Variants in OCEL1 observed in about 807,000 individuals in gnomAD.
OCEL1 encodes occludin/ELL domain-containing protein 1.
OCEL1 carries 24 observed loss-of-function variants against 29.4 expected under a neutral mutation model. That is an observed-to-expected ratio of 0.82 (90% CI 0.59 to 1.15). The LOEUF is 1.15. Among genes scored for constraint, OCEL1 ranks in the 50% most tolerant of loss-of-function variants. The pLI is 0.00. For missense variants in OCEL1, 402 were observed against 352.5 expected (o/e 1.14, Z -1.13); for synonymous variants, 172 against 145.3 (o/e 1.18, Z -1.32).
Position 17,228,012 on chromosome 19 carries a change from A to T in OCEL1, c.618+7A>T, listed in dbSNP as rs1278653764. 5.0e-6 allele frequency: 8 copies of T among 1,611,070 alleles called. No individual in the cohort carries two copies. Among genetic ancestry groups the T allele is most frequent in the Non-Finnish European group, 6.8e-6 (8 of 1,179,636 alleles). ...GCCCCCACCCCAAAGCCAGGTCAGC[A>T]CTAGGGAGAAAGCCCTGCCCCGCAG... On this transcript the variant is annotated splice_region_variant and intron_variant, in intron 4 of 5. Coordinates refer to ENST00000215061, the MANE Select transcript of OCEL1 (RefSeq NM_024578.3).
chr19:17,226,530 G>C (rs1028072699), intron 1 of OCEL1, 163 bp from the exon 2 acceptor site: 14 of 922,888 alleles, frequency 1.5e-5, no homozygotes, highest in Non-Finnish European at 2.1e-5. Flanking sequence ...GGCGGGGTCT[G>C]GACGTCGCTG....
In OCEL1 at chr19:17,226,309, T is replaced by TG. The variant is rs769427408; in HGVS notation, c.65dup (p.Gln23ThrfsTer95). 42 of 1,611,778 alleles carry TG rather than the reference T, an allele frequency of 2.6e-5. No homozygotes were observed. The East Asian group carries it at 8.7e-4, about 33-fold the overall frequency. On this transcript the variant is annotated frameshift_variant, in exon 1 of 6. Transcript: ENST00000215061. LOFTEE classifies it high-confidence loss of function. ...GATCCAGGCTCGGAGCTCCAGACGC[T>TG]GGGACAGGTGACCCGGGGCGGTAGC...
rs1318325808 is a variant in OCEL1, at chr19:17,227,824, C to G, written c.453-16C>G. ...GGTTCTTTACACTCACACTCTGACC[C>G]TCTTCAACCTGGTAGTAAGTACCCG... On this transcript the variant is annotated splice_polypyrimidine_tract_variant and intron_variant, in intron 3 of 5. Coordinates refer to ENST00000215061, the MANE Select transcript of OCEL1 (RefSeq NM_024578.3). 6.2e-7 allele frequency: 1 copy of G among 1,612,668 alleles called. No homozygotes were observed. Among genetic ancestry groups the G allele is most frequent in the Non-Finnish European group, 8.5e-7 (1 of 1,179,580 alleles).
intron 3 of OCEL1, 55 bp downstream of exon 3, chr19:17,227,254 G>A: frequency 7.1e-7 from 1 of 1,406,966 alleles, no homozygotes; most frequent in Non-Finnish European, 9.4e-7. Context: ...GGGCACTGAG[G>A]CTGGGGCTTT....
intron 1 of OCEL1, 45 bp downstream of exon 1, chr19:17,226,361 G>A (rs748821231): frequency 7.5e-6 from 12 of 1,594,430 alleles, no homozygotes; most frequent in Non-Finnish European, 1.0e-5. Context: ...CAGGTGGGGC[G>A]GAGGTCCCGA....
Position 17,227,684 on chromosome 19 carries a change from CTA to C in OCEL1, c.453-154_453-153del, listed in dbSNP as rs371816579. Among the ~76,000 whole-genome samples, 17 of 152,196 alleles carry C rather than the reference CTA, an allele frequency of 1.1e-4. No individual in the cohort carries two copies. In the East Asian group the frequency reaches 1.3e-3, roughly 12 times the overall value. On this transcript the variant is annotated intron_variant, in intron 3 of 5. Transcript: ENST00000215061. ...CCAGCCTGGACAACAGAGCAAGACT[CTA>C]TCTCAAAAAATAATAATAAATAAAT...
intron 4 of OCEL1, 96 bp downstream of exon 4, chr19:17,228,101 T>C (rs554284322): frequency 1.3e-6 from 2 of 1,553,750 alleles, no homozygotes; most frequent in African/African-American, 1.4e-5. Context: ...CCAGGACTCT[T>C]TCTCCTCTCG....
At chr19:17,227,660 C>T (rs2013639) in intron 3 of OCEL1, among the ~76,000 whole-genome samples, 180 bp from the exon 4 acceptor site, 45,732 of 152,044 alleles carry the variant, frequency 0.3, 7,834 homozygotes, top group African/African-American at 0.47. Context: ...CACTGCACTC[C>T]AGCCTGGACA....
At chr19:17,228,355 T>G in intron 5 of OCEL1, 46 bp downstream of exon 5, 2 of 1,586,864 alleles carry the variant, frequency 1.3e-6, no homozygotes, top group Non-Finnish European at 1.7e-6. Context: ...CTGAGACTTC[T>G]GTGAGGCTGG....
At chr19:17,226,671 C>G in intron 1 of OCEL1, 22 bp from the exon 2 acceptor site, 3 of 1,450,322 alleles carry the variant, frequency 2.1e-6, no homozygotes, top group Non-Finnish European at 2.7e-6. Flanking sequence ...CAGGCGTGTC[C>G]TCTCCGCGTG....
chr19:17,226,571 C>A, intron 1 of OCEL1, 122 bp from the exon 2 acceptor site: 1 of 1,126,664 alleles, frequency 8.9e-7, no homozygotes, highest in Non-Finnish European at 1.2e-6. Context: ...ATGCAAATAG[C>A]GGTCGTTCTG....
chr19:17,228,490 G>GGACGC lies in OCEL1; in HGVS notation c.672+181_672+182insGACGC, dbSNP rs751990680. 7.5e-6 allele frequency: 5 copies of GGACGC among 665,380 alleles called. No individual in the cohort carries two copies. The South Asian group carries it at 1.0e-4, about 13-fold the overall frequency. The allele number at this position is 665,380 out of a possible 1,614,324, so 41.2% of individuals were successfully genotyped here. A position where few individuals can be genotyped will look rare whatever the true frequency, so the allele number is the denominator to read the frequency against. ...AACCTCAGCGTCCCGGGTTCAAGCGGTTCTCCTGCCTCAGCTGGGATCACA... is the reference window on the plus strand; with the variant it reads ...AACCTCAGCGTCCCGGGTTCAAGCGGGACGCTTCTCCTGCCTCAGCTGGGATCACA... On this transcript the variant is annotated intron_variant, in intron 5 of 5. Transcript: ENST00000215061.
rs750244403 is a variant in OCEL1, at chr19:17,226,779, C to G, written c.156C>G (p.Phe52Leu). ...CAGCCCGGAAACCCCTGAGCTGCTTCTCCCGGAGGCCGATGCCCACCCGGG... is the reference window on the plus strand; with the variant it reads ...CAGCCCGGAAACCCCTGAGCTGCTTGTCCCGGAGGCCGATGCCCACCCGGG... The part of the protein sequence containing the change: ...RPSARKPLSC[F>L]SRRPMPTREP... Residue 52 changes from phenylalanine (F) to leucine (L), a missense_variant, in exon 2 of 6, where the codon TTC becomes TTG. Coordinates refer to ENST00000215061, the MANE Select transcript of OCEL1 (RefSeq NM_024578.3). 1.9e-6 allele frequency: 3 copies of G among 1,594,332 alleles called. No homozygotes were observed. The highest frequency in any genetic ancestry group is 2.3e-5 in the East Asian group (1 of 43,696).
At chr19:17,226,576 G>C (rs961292764) in intron 1 of OCEL1, 117 bp from the exon 2 acceptor site, 1 of 1,185,476 alleles carries the variant, frequency 8.4e-7, no homozygotes, top group Non-Finnish European at 1.1e-6. Flanking sequence ...AATAGCGGTC[G>C]TTCTGGGGAA....
At chr19:17,227,255 C>T in intron 3 of OCEL1, 56 bp downstream of exon 3, 2 of 1,400,680 alleles carry the variant, frequency 1.4e-6, no homozygotes, top group African/African-American at 1.5e-5. Context: ...GGCACTGAGG[C>T]TGGGGCTTTG....
intron 2 of OCEL1, 26 bp downstream of exon 2, chr19:17,226,895 C>G (rs752218753): frequency 6.6e-7 from 1 of 1,511,570 alleles, no homozygotes; most frequent in East Asian, 2.4e-5. Context: ...AGGGGGTCCC[C>G]AGGCCGGGCC....
At position 17,228,302 on chromosome 19, in the gene OCEL1, A is replaced by G; in HGVS notation, c.665A>G (p.Lys222Arg). The change falls in exon 5 of 6, where the codon AAG becomes AGG. Residue 222 changes from lysine (K) to arginine (R), a missense_variant. Physicochemically the swap from Lys to Arg is conservative, Grantham distance 26 (BLOSUM62 2). Transcript: ENST00000215061. ...CGGGTTTGGAGGGAGTTTGAGATGA[A>G]GCGAATGGTGAGTCTTGCATCCCAC... is the stretch of plus-strand genomic sequence containing the variant. Reference protein sequence around the residue: ...AARVWREFEMKRMDPGFLDKQ... With the variant: ...AARVWREFEMRRMDPGFLDKQ... 1.2e-6 allele frequency: 2 copies of G among 1,613,956 alleles called. No individual in the cohort carries two copies. Among genetic ancestry groups the G allele is most frequent in the Non-Finnish European group, 1.7e-6 (2 of 1,179,982 alleles).
At chr19:17,228,384 C>CTT (rs113462551) in intron 5 of OCEL1, 75 bp downstream of exon 5, 1,115 of 1,279,442 alleles carry the variant, frequency 8.7e-4, no homozygotes, top group Middle Eastern at 2.6e-3. Flanking sequence ...TGCCCAGTTT[C>CTT]TTTTTTTTTT....
intron 1 of OCEL1, 116 bp from the exon 2 acceptor site, chr19:17,226,577 T>C: frequency 8.4e-7 from 1 of 1,189,106 alleles, no homozygotes; most frequent in African/African-American, 1.5e-5. Flanking sequence ...ATAGCGGTCG[T>C]TCTGGGGAAC....
Sources: gnomAD v4.1 joint callset for allele counts (sites outside exome capture counted in the v4.1 genomes callset) on GRCh38, gnomAD v4.1.1 for gene constraint, MANE v1.5 for transcripts, NCBI Gene and HGNC (gene_info 2026-07-23, HGNC 2026-07-21) for gene names.